The following DPP6 variants were observed in gnomAD, a reference collection of about 807,000 sequenced individuals.
DPP6 encodes dipeptidyl peptidase like 6, also known as A-type potassium channel modulatory protein DPP6.
A neutral mutation model predicts 122.6 loss-of-function variants in DPP6; 69 were observed. The ratio of observed to expected loss-of-function variants is 0.56; its 90% CI spans 0.46 to 0.69. The LOEUF (loss-of-function observed/expected upper bound fraction) is 0.69. Among genes scored for constraint, DPP6 ranks in the 30% least tolerant of loss-of-function variants. The pLI is 0.00. For missense variants in DPP6, 928 were observed against 1,116.9 expected (o/e 0.83, Z 2.41); for synonymous variants, 418 against 433.1 (o/e 0.97, Z 0.43).
intron 1 of DPP6, among the ~76,000 whole-genome samples, chr7:154,328,720 C>T (rs958158165): frequency 1.4e-4 from 22 of 152,142 alleles, no homozygotes; most frequent in African/African-American, 5.3e-4. Flanking sequence ...GGAGGGTGTA[C>T]ATGGTATTAG....
chr7:154,061,899 C>G lies in DPP6; in HGVS notation c.243+8836C>G, dbSNP rs1352491107. ...GCGAGGCAGGGACTGAGAGGCAATC[C>G]CTCTTCCCCCCCTGGCTCTGAGGAC... is the stretch of plus-strand genomic sequence containing the variant. On this transcript the variant is annotated intron_variant, in intron 1 of 25. Coordinates refer to ENST00000377770, the MANE Select transcript of DPP6 (RefSeq NM_130797.4). Among the ~76,000 whole-genome samples, 3 of 134,810 alleles carry G rather than the reference C, an allele frequency of 2.2e-5. 1 individual carries two copies. Among genetic ancestry groups the G allele is most frequent in the African/African-American group, 8.1e-5 (3 of 36,860 alleles). 88.4% of individuals were successfully genotyped at this position (134,810 alleles called of 152,430 possible). A position where few individuals can be genotyped will look rare whatever the true frequency, so the allele number is the denominator to read the frequency against.
chr7:154,820,869 C>T (rs542753166), intron 16 of DPP6, among the ~76,000 whole-genome samples: 80 of 152,196 alleles, frequency 5.3e-4, no homozygotes, highest in African/African-American at 1.8e-3. Context: ...GAAGATCTAA[C>T]GATACATACC....
At chr7:154,065,514 CT>C (rs1275557265) in intron 1 of DPP6, among the ~76,000 whole-genome samples, 3 of 151,718 alleles carry the variant, frequency 2.0e-5, no homozygotes, top group African/African-American at 7.3e-5. Flanking sequence ...GCTCTGTCCT[CT>C]TTGCTGTCCT....
intron 6 of DPP6, among the ~76,000 whole-genome samples, chr7:154,643,727 C>T (rs10259619): frequency 0.15 from 22,448 of 151,992 alleles, 1,943 homozygotes; most frequent in African/African-American, 0.24. Flanking sequence ...CTCGGCCTCC[C>T]GAAGTGCTGG....
intron 3 of DPP6, among the ~76,000 whole-genome samples, chr7:154,519,735 A>G (rs1007002467): frequency 4.6e-5 from 7 of 152,198 alleles, no homozygotes; most frequent in African/African-American, 1.7e-4. Flanking sequence ...CAGAAGGACA[A>G]GAGTTGTGTA....
the DPP6 span, among the ~76,000 whole-genome samples, chr7:153,878,027 G>A: frequency 1.3e-5 from 2 of 152,116 alleles, no homozygotes; most frequent in Admixed American, 6.5e-5. Flanking sequence ...CCTTTTCACT[G>A]TCATTAGTTT....
chr7:154,450,007 TCTAA>T (rs1327152076), intron 2 of DPP6, among the ~76,000 whole-genome samples: 34 of 125,782 alleles, frequency 2.7e-4, no homozygotes, highest in South Asian at 5.6e-4. Flanking sequence ...AGACTCCATC[TCTAA>T]ATAAATAAAT....
intron 1 of DPP6, among the ~76,000 whole-genome samples, chr7:154,353,829 A>C (rs1811065572): frequency 6.6e-6 from 1 of 152,248 alleles, no homozygotes; most frequent in African/African-American, 2.4e-5. Context: ...GGCTCACAGA[A>C]CAAGTATGAT....
intron 1 of DPP6, among the ~76,000 whole-genome samples, chr7:154,302,020 T>C (rs1008331044): frequency 6.6e-5 from 10 of 152,158 alleles, no homozygotes; most frequent in Admixed American, 5.9e-4. Flanking sequence ...GGTTTCACCA[T>C]GTTAGCCAGG....
chr7:154,062,808 A>AG lies in DPP6; in HGVS notation c.243+9746dup, dbSNP rs1419402467. ...CACTGGCTCTTAGGACCCCCATCGCAGAGGGGGGAGGCACCCCCCGCGAGG... is the reference window on the plus strand; with the variant it reads ...CACTGGCTCTTAGGACCCCCATCGCAGGAGGGGGGAGGCACCCCCCGCGAGG... On this transcript the variant is annotated intron_variant, in intron 1 of 25. Transcript: ENST00000377770. Among the ~76,000 whole-genome samples, 5 of 114,220 alleles carry AG rather than the reference A, an allele frequency of 4.4e-5. 1 individual carries two copies. Among genetic ancestry groups the AG allele is most frequent in the Non-Finnish European group, 9.2e-5 (5 of 54,346 alleles). The allele number at this position is 114,220 out of a possible 152,430, so 74.9% of individuals were successfully genotyped here.
At chr7:154,017,708 T>TA (rs945886454) in intron 1 of DPP6, among the ~76,000 whole-genome samples, 77 of 52,946 alleles carry the variant, frequency 1.5e-3, no homozygotes, top group African/African-American at 2.5e-3. Flanking sequence ...CTAAAAAAAA[T>TA]AAAAAAAAAA....
intron 1 of DPP6, among the ~76,000 whole-genome samples, chr7:154,056,582 C>T (rs1800834588): frequency 6.6e-6 from 1 of 152,120 alleles, no homozygotes. Flanking sequence ...TTTTCAGTGA[C>T]ACGTGGCTTC....
intron 1 of DPP6, among the ~76,000 whole-genome samples, chr7:153,908,029 G>GTTTTTTTT (rs34826354): frequency 8.8e-6 from 1 of 113,916 alleles, no homozygotes; most frequent in Non-Finnish European, 1.8e-5. Flanking sequence ...GAGGCTGGAA[G>GTTTTTTTT]TTTTTTTTTT....
At chr7:153,783,465 A>G in the DPP6 span, among the ~76,000 whole-genome samples, 7 of 152,326 alleles carry the variant, frequency 4.6e-5, no homozygotes, top group African/African-American at 1.7e-4. Context: ...CACCCTTGAC[A>G]CAATTATGGG....
intron 5 of DPP6, among the ~76,000 whole-genome samples, chr7:154,581,128 G>A (rs1379519763): frequency 6.6e-6 from 1 of 152,128 alleles, no homozygotes; most frequent in East Asian, 1.9e-4. Context: ...CAAAGGAACT[G>A]GAAACCTGTG....
intron 10 of DPP6, chr7:154,793,868 A>C: frequency 1.5e-6 from 1 of 653,590 alleles, no homozygotes; most frequent in South Asian, 2.6e-5. Context: ...GGGTTTATTT[A>C]GCAAGAGGTA....
At chr7:153,974,096 A>T (rs1459089664) in intron 1 of DPP6, among the ~76,000 whole-genome samples, 1 of 152,088 alleles carries the variant, frequency 6.6e-6, no homozygotes, top group African/African-American at 2.4e-5. Context: ...TGACCGTCTT[A>T]AAAAAGCCTT....
intron 5 of DPP6, among the ~76,000 whole-genome samples, chr7:154,629,012 A>G (rs1222025781): frequency 2.0e-5 from 3 of 152,144 alleles, no homozygotes; most frequent in African/African-American, 7.2e-5. Context: ...CGGACTCCTC[A>G]AGGTTATCAG....
intron 1 of DPP6, among the ~76,000 whole-genome samples, chr7:154,197,808 A>G (rs76286350): frequency 6.6e-6 from 1 of 152,182 alleles, no homozygotes; most frequent in African/African-American, 2.4e-5. Context: ...TTTGCAGTTC[A>G]TATCCTAACC....
Sources: allele counts gnomAD v4.1 joint callset (sites outside exome capture counted in the v4.1 genomes callset), GRCh38; gene constraint gnomAD v4.1.1; transcripts MANE v1.5; gene names NCBI Gene and HGNC (gene_info 2026-07-23, HGNC 2026-07-21).